HECW2: variants seen among roughly 807,000 people sequenced by gnomAD.
HECW2 encodes E3 ubiquitin-protein ligase HECW2.
In HECW2, 61 loss-of-function variants were observed where a neutral mutation model predicts 175.2. The ratio of observed to expected loss-of-function variants is 0.35; its 90% CI spans 0.28 to 0.43. HECW2 has a LOEUF of 0.43. Ranked by LOEUF, HECW2 falls within the 20% of genes least tolerant of loss-of-function variation. HECW2 has a pLI of 1.00. For missense variants in HECW2, 1,524 were observed against 2,000.5 expected (o/e 0.76, Z 4.54); for synonymous variants, 671 against 731.0 (o/e 0.92, Z 1.32).
intron 1 of HECW2, among the ~76,000 whole-genome samples, chr2:196,434,549 C>T (rs1695814187): frequency 1.3e-5 from 2 of 152,170 alleles, no homozygotes; most frequent in African/African-American, 4.8e-5. Flanking sequence ...CGCAGCACAA[C>T]TAAGGTTCTA....
At chr2:196,296,575 G>C (rs1690824081) in intron 13 of HECW2, among the ~76,000 whole-genome samples, 1 of 152,222 alleles carries the variant, frequency 6.6e-6, no homozygotes, top group Non-Finnish European at 1.5e-5. Context: ...GGTCTCCTAA[G>C]CTTCATTAAT....
At chr2:196,379,683 T>A (rs56407031) in intron 2 of HECW2, among the ~76,000 whole-genome samples, 32,821 of 66,222 alleles carry the variant, frequency 0.5, 5,225 homozygotes, top group African/African-American at 0.57. Context: ...ATACTCCGTC[T>A]CAAAAAAAAA....
At chr2:196,405,845 T>C (rs1490017742) in intron 2 of HECW2, among the ~76,000 whole-genome samples, 1 of 152,088 alleles carries the variant, frequency 6.6e-6, no homozygotes, top group African/African-American at 2.4e-5. Context: ...CTCATTTCAT[T>C]TCAACTTCTA....
intron 1 of HECW2, among the ~76,000 whole-genome samples, chr2:196,477,750 A>G (rs1045301542): frequency 1.3e-5 from 2 of 152,134 alleles, no homozygotes; most frequent in Non-Finnish European, 2.9e-5. Flanking sequence ...GTCTTCTAGG[A>G]GTTAAACACC....
intron 1 of HECW2, among the ~76,000 whole-genome samples, chr2:196,484,240 T>C (rs1473825137): frequency 2.0e-5 from 3 of 152,218 alleles, no homozygotes; most frequent in African/African-American, 7.2e-5. Context: ...TGTATATTAC[T>C]ATTAAGATGT....
intron 1 of HECW2, among the ~76,000 whole-genome samples, chr2:196,522,259 T>C (rs13396231): frequency 0.34 from 52,001 of 151,798 alleles, 12,114 homozygotes; most frequent in African/African-American, 0.67. Flanking sequence ...TTTCATGTGT[T>C]TTTTGGCTGC....
intron 1 of HECW2, chr2:196,592,808 GGACCC>G (rs1320261310): frequency 6.6e-6 from 1 of 151,272 alleles, no homozygotes; most frequent in Non-Finnish European, 1.5e-5. Flanking sequence ...CTGCGGGTGG[GGACCC>G]GGCCGCGGGG....
intron 17 of HECW2, among the ~76,000 whole-genome samples, chr2:196,264,551 C>T (rs1229766279): frequency 6.6e-6 from 1 of 152,144 alleles, no homozygotes; most frequent in African/African-American, 2.4e-5. Context: ...TTCAAAGTTA[C>T]ATCAGAGAAC....
At chr2:196,281,713 T>G (rs1358525141) in intron 14 of HECW2, among the ~76,000 whole-genome samples, 1 of 101,492 alleles carries the variant, frequency 9.9e-6, no homozygotes, top group African/African-American at 4.1e-5. Context: ...GGGAAAAAAA[T>G]GAGGGAAGCT....
intron 19 of HECW2, among the ~76,000 whole-genome samples, chr2:196,246,362 C>T (rs1563379): frequency 0.84 from 128,031 of 152,104 alleles, 54,721 homozygotes; most frequent in Non-Finnish European, 0.92. Flanking sequence ...AGGAACTGAA[C>T]GAAAATCTTT....
At position 196,278,615 on chromosome 2, in the gene HECW2, G is replaced by C; in HGVS notation, c.3048C>G (p.Pro1016=). ...GTCTACTGCTCTGAAGTGGGAGCCG[G>C]GGATCAATGAAAGTGGTGGTGCGGG... is the stretch of plus-strand genomic sequence containing the variant. ...HNSRTTTFID[P]RLPLQSSRPT... The change falls in exon 15 of 29, where the codon CCC becomes CCG. Residue 1016 remains proline (P), a synonymous_variant. Coordinates refer to ENST00000644978, the MANE Select transcript of HECW2 (RefSeq NM_001348768.2). 6.2e-7 allele frequency: 1 copy of C among 1,613,980 alleles called. No homozygotes were observed. Among genetic ancestry groups the C allele is most frequent in the Non-Finnish European group, 8.5e-7 (1 of 1,179,976 alleles).
intron 1 of HECW2, among the ~76,000 whole-genome samples, chr2:196,540,850 G>T (rs755206442): frequency 6.6e-6 from 1 of 152,090 alleles, no homozygotes; most frequent in Non-Finnish European, 1.5e-5. Context: ...TTTCTCCATA[G>T]GATAATCATA....
At chr2:196,420,234 C>T (rs1455106540) in intron 2 of HECW2, among the ~76,000 whole-genome samples, 1 of 152,196 alleles carries the variant, frequency 6.6e-6, no homozygotes, top group African/African-American at 2.4e-5. Flanking sequence ...ATCTGAGTTG[C>T]TCAATGCAGT....
intron 1 of HECW2, among the ~76,000 whole-genome samples, chr2:196,512,441 G>T (rs770263791): frequency 2.3e-4 from 35 of 151,814 alleles, no homozygotes; most frequent in Admixed American, 5.2e-4. Context: ...ACCCAGGTTG[G>T]AGTGCAGTGG....
chr2:196,302,733 G>A (rs1309492863), intron 13 of HECW2, among the ~76,000 whole-genome samples: 1 of 152,156 alleles, frequency 6.6e-6, no homozygotes, highest in Non-Finnish European at 1.5e-5. Context: ...TGTTGTTGGT[G>A]TATAGGAATG....
At chr2:196,441,615 T>C (rs1696047150) in intron 1 of HECW2, among the ~76,000 whole-genome samples, 1 of 152,054 alleles carries the variant, frequency 6.6e-6, no homozygotes, top group Non-Finnish European at 1.5e-5. Context: ...CACCAAATCT[T>C]CCACCAAAGC....
intron 19 of HECW2, among the ~76,000 whole-genome samples, chr2:196,250,994 A>C (rs538305678): frequency 1.6e-4 from 24 of 152,260 alleles, no homozygotes; most frequent in African/African-American, 5.3e-4. Context: ...TAATGTCATG[A>C]TTTTCAAATC....
intron 27 of HECW2, among the ~76,000 whole-genome samples, chr2:196,216,528 C>T (rs1309466081): frequency 3.4e-5 from 4 of 117,948 alleles, no homozygotes; most frequent in Middle Eastern, 4.0e-3. Flanking sequence ...AAACACCACA[C>T]GCAAAAAAAA....
intron 2 of HECW2, among the ~76,000 whole-genome samples, chr2:196,415,587 C>T (rs778151763): frequency 9.6e-5 from 10 of 104,232 alleles, no homozygotes; most frequent in African/African-American, 2.2e-4. Context: ...CCAATGTGCA[C>T]GCGCTGAATG....
Sources: gnomAD v4.1 joint callset for allele counts (sites outside exome capture counted in the v4.1 genomes callset) on GRCh38, gnomAD v4.1.1 for gene constraint, MANE v1.5 for transcripts, NCBI Gene and HGNC (gene_info 2026-07-23, HGNC 2026-07-21) for gene names.